SMARCC1: variants seen among roughly 807,000 people sequenced by gnomAD.
SMARCC1 encodes the protein SWI/SNF related BAF chromatin remodeling complex subunit C1.
A neutral mutation model predicts 147.4 loss-of-function variants in SMARCC1; 43 were observed. The observed-to-expected ratio is 0.29, with a 90% CI of 0.23 to 0.38. The LOEUF is 0.38. Ranked by LOEUF, SMARCC1 falls within the 10% of genes least tolerant of loss-of-function variation. The pLI is 1.00. For synonymous variants in SMARCC1, 495 were observed against 484.4 expected (o/e 1.02, Z -0.29); for missense variants, 1,119 against 1,381.1 (o/e 0.81, Z 3.01).
At chr3:47,642,312 C>T (rs901540665) in intron 21 of SMARCC1, among the ~76,000 whole-genome samples, 2 of 152,000 alleles carry the variant, frequency 1.3e-5, no homozygotes, top group African/African-American at 2.4e-5. Context: ...AGGTTTTGCC[C>T]GGTGCAGTGG....
chr3:47,628,516 C>T (rs1417264589), intron 24 of SMARCC1, among the ~76,000 whole-genome samples: 3 of 152,094 alleles, frequency 2.0e-5, no homozygotes, highest in African/African-American at 7.2e-5. Context: ...TTAACTAAGA[C>T]TAGGGCAAAA....
intron 21 of SMARCC1, among the ~76,000 whole-genome samples, chr3:47,658,278 T>C (rs921797360): frequency 3.9e-5 from 6 of 152,230 alleles, no homozygotes; most frequent in African/African-American, 1.4e-4. Context: ...ACCCATTTAT[T>C]GAGATGTAAT....
chr3:47,599,274 T>G (rs1469086722), intron 26 of SMARCC1, among the ~76,000 whole-genome samples: 1 of 151,906 alleles, frequency 6.6e-6, no homozygotes, highest in African/African-American at 2.4e-5. Context: ...TACCAGCTAC[T>G]TGGGAAGCTG....
chr3:47,648,230 G>A (rs1023973080), intron 21 of SMARCC1, among the ~76,000 whole-genome samples: 11 of 152,004 alleles, frequency 7.2e-5, no homozygotes, highest in African/African-American at 2.7e-4. Flanking sequence ...CCTGACTTGA[G>A]GTGATCTGTA....
chr3:47,619,743 G>C (rs879515022), intron 25 of SMARCC1, among the ~76,000 whole-genome samples: 9 of 152,218 alleles, frequency 5.9e-5, no homozygotes, highest in African/African-American at 9.6e-5. Context: ...GAGAAGCACA[G>C]TAAGTCCCTG....
intron 21 of SMARCC1, among the ~76,000 whole-genome samples, chr3:47,657,398 A>C (rs1251068546): frequency 6.6e-6 from 1 of 152,250 alleles, no homozygotes; most frequent in African/African-American, 2.4e-5. Flanking sequence ...TGTAACTAAA[A>C]ATCAGTAAAA....
intron 11 of SMARCC1, among the ~76,000 whole-genome samples, chr3:47,700,982 T>C (rs1308598383): frequency 6.6e-6 from 1 of 152,204 alleles, no homozygotes; most frequent in African/African-American, 2.4e-5. Context: ...AAACTATATA[T>C]AGGTACGTAT....
At position 47,659,183 on chromosome 3, in the gene SMARCC1, G is replaced by A. The variant is rs574037991; in HGVS notation, c.2320+2111C>T. On this transcript the variant is annotated intron_variant, in intron 21 of 27. Coordinates refer to ENST00000254480, the MANE Select transcript of SMARCC1 (RefSeq NM_003074.4). ...TAATCAAGAAAGTAAGAAAAGTCCA[G>A]GACACGATGGCTTTACCAGTGAATA... Among the ~76,000 whole-genome samples the A allele has an allele frequency of 4.1e-5, 6 of 148,020 alleles. No homozygotes were observed. In the East Asian group the frequency reaches 9.9e-4, roughly 24 times the overall value.
At chr3:47,635,613 C>T (rs1293929467) in intron 23 of SMARCC1, among the ~76,000 whole-genome samples, 3 of 152,134 alleles carry the variant, frequency 2.0e-5, no homozygotes, top group Admixed American at 6.6e-5. Flanking sequence ...AAGGAACATA[C>T]AGGGGAACTA....
At chr3:47,684,559 AC>A (rs1047693953) in intron 14 of SMARCC1, among the ~76,000 whole-genome samples, 10 of 151,648 alleles carry the variant, frequency 6.6e-5, no homozygotes, top group Middle Eastern at 3.4e-3. Context: ...TCCTGCCTCA[AC>A]CTCCCAAGTA....
intron 24 of SMARCC1, among the ~76,000 whole-genome samples, chr3:47,627,142 A>G (rs957355024): frequency 3.9e-5 from 6 of 152,200 alleles, no homozygotes; most frequent in Non-Finnish European, 8.8e-5. Context: ...AGCTTTTGTA[A>G]CAGAAACCTA....
chr3:47,701,479 A>G (rs1576415887), intron 10 of SMARCC1, 77 bp from the exon 11 acceptor site: 2 of 1,304,786 alleles, frequency 1.5e-6, no homozygotes, highest in East Asian at 4.6e-5. Context: ...GAGGTTGTAC[A>G]CCTTCATTAT....
chr3:47,669,436 A>G (rs2033467721), intron 19 of SMARCC1, among the ~76,000 whole-genome samples: 1 of 152,228 alleles, frequency 6.6e-6, no homozygotes, highest in South Asian at 2.1e-4. Flanking sequence ...ATAGTCACCC[A>G]CAAGTACTGA....
Position 47,610,339 on chromosome 3 carries a change from G to A in SMARCC1, c.2782-12C>T. 1 of 1,614,006 alleles carries A rather than the reference G, an allele frequency of 6.2e-7. No homozygotes were observed. The highest frequency in any genetic ancestry group is 8.5e-7 in the Non-Finnish European group (1 of 1,179,858). ...CTCTGTTGTTCTAGCTGTAAGCAAA[G>A]GAAGTGGAAGAGAAATGACACCAGA... On this transcript the variant is annotated splice_polypyrimidine_tract_variant and intron_variant, in intron 25 of 27. Transcript: ENST00000254480.
intron 22 of SMARCC1, 134 bp from the exon 23 acceptor site, chr3:47,636,270 T>TAGAG (rs1421266605): frequency 3.6e-5 from 22 of 604,880 alleles, no homozygotes; most frequent in Non-Finnish European, 6.4e-5. Context: ...AAGTGACTTG[T>TAGAG]AGAGAACAGC....
chr3:47,601,036 A>AGAGAGAGAGAGAGAGG (rs1559622885), intron 26 of SMARCC1, among the ~76,000 whole-genome samples: 4 of 135,072 alleles, frequency 3.0e-5, no homozygotes, highest in African/African-American at 1.0e-4. Flanking sequence ...AGAGAGAGAG[A>AGAGAGAGAGAGAGAGG]GAGAGAGAGA....
intron 5 of SMARCC1, among the ~76,000 whole-genome samples, chr3:47,734,315 G>A (rs1447584668): frequency 6.6e-6 from 1 of 152,140 alleles, no homozygotes; most frequent in Non-Finnish European, 1.5e-5. Context: ...ACTTCAGATT[G>A]CCCAATATGA....
At position 47,719,238 on chromosome 3, in the gene SMARCC1, T is replaced by C. The variant is rs373124667; in HGVS notation, c.716+1428A>G. On this transcript the variant is annotated intron_variant, in intron 7 of 27. Transcript: ENST00000254480. ...CCCACTATTTTCACTAATATCTAGC[T>C]CTTGTTTATAATACTCGTTATTCAT... Among the ~76,000 whole-genome samples, 6 of 152,172 alleles carry C rather than the reference T, an allele frequency of 3.9e-5. 1 individual carries two copies. The highest frequency in any genetic ancestry group is 1.4e-4 in the African/African-American group (6 of 41,540).
chr3:47,702,833 A>G (rs1374488783), intron 10 of SMARCC1, among the ~76,000 whole-genome samples: 1 of 152,108 alleles, frequency 6.6e-6, no homozygotes, highest in Non-Finnish European at 1.5e-5. Flanking sequence ...CTCAAACTTA[A>G]GCCATCCTCC....
Sources: gnomAD v4.1 joint callset for allele counts (sites outside exome capture counted in the v4.1 genomes callset) on GRCh38, gnomAD v4.1.1 for gene constraint, MANE v1.5 for transcripts, NCBI Gene and HGNC (gene_info 2026-07-23, HGNC 2026-07-21) for gene names.